Variants in SLC25A31 observed in about 807,000 individuals in gnomAD.
SLC25A31 encodes the protein solute carrier family 25 member 31.
In SLC25A31, 40 loss-of-function variants were observed where a neutral mutation model predicts 36.2. The observed-to-expected ratio is 1.10, with a 90% CI of 0.86 to 1.44. The LOEUF (loss-of-function observed/expected upper bound fraction) is 1.44, where lower values mean the gene tolerates loss of function less well. Among genes scored for constraint, SLC25A31 ranks in the 40% most tolerant of loss-of-function variants. The pLI, the probability that SLC25A31 is intolerant of heterozygous loss-of-function variation, is 0.00. For missense variants in SLC25A31, 350 were observed against 397.1 expected (o/e 0.88, Z 1.01); for synonymous variants, 143 against 149.7 (o/e 0.96, Z 0.32).
intron 1 of SLC25A31, among the ~76,000 whole-genome samples, chr4:127,737,758 T>A (rs966543789): frequency 2.0e-5 from 3 of 152,098 alleles, no homozygotes; most frequent in African/African-American, 7.2e-5. Flanking sequence ...AGGGTCTCAC[T>A]GTGTTACCCA....
intron 2 of SLC25A31, among the ~76,000 whole-genome samples, chr4:127,755,492 A>T (rs1040772249): frequency 1.3e-5 from 2 of 152,194 alleles, no homozygotes; most frequent in Admixed American, 6.5e-5. Context: ...ACCTAAAGAG[A>T]CACTTCTCAA....
intron 5 of SLC25A31, 34 bp from the exon 6 acceptor site, chr4:127,773,352 G>C: frequency 6.4e-7 from 1 of 1,570,404 alleles, no homozygotes; most frequent in Non-Finnish European, 8.6e-7. Context: ...AAGATATTCA[G>C]ATAATGGAAA....
At chr4:127,734,178 T>C (rs1731580343) in intron 1 of SLC25A31, among the ~76,000 whole-genome samples, 1 of 152,226 alleles carries the variant, frequency 6.6e-6, no homozygotes, top group African/African-American at 2.4e-5. Flanking sequence ...ATTAACATTT[T>C]GGTTTTTCAC....
At chr4:127,745,007 A>C (rs1304529946) in intron 2 of SLC25A31, among the ~76,000 whole-genome samples, 3 of 152,170 alleles carry the variant, frequency 2.0e-5, no homozygotes, top group African/African-American at 7.2e-5. Flanking sequence ...AAAATCATAA[A>C]GGATCTTTTG....
At chr4:127,744,551 T>C (rs1731787993) in intron 1 of SLC25A31, 121 bp from the exon 2 acceptor site, 1 of 889,516 alleles carries the variant, frequency 1.1e-6, no homozygotes, top group Non-Finnish European at 1.6e-6. Context: ...TTTAGAAAAC[T>C]TTATTTTTCT....
intron 2 of SLC25A31, among the ~76,000 whole-genome samples, chr4:127,758,464 A>G (rs940911608): frequency 1.3e-5 from 2 of 152,140 alleles, no homozygotes; most frequent in Admixed American, 6.6e-5. Flanking sequence ...AATGTTGTGC[A>G]GAAGCTTTTT....
At chr4:127,735,896 A>T (rs4834216) in intron 1 of SLC25A31, among the ~76,000 whole-genome samples, 40,034 of 73,690 alleles carry the variant, frequency 0.54, 7,810 homozygotes, top group East Asian at 0.64. Flanking sequence ...TTATTTATTT[A>T]TTTTTTTTTT....
chr4:127,749,332 G>A (rs1187656316), intron 2 of SLC25A31, among the ~76,000 whole-genome samples: 1 of 152,118 alleles, frequency 6.6e-6, no homozygotes, highest in East Asian at 1.9e-4. Context: ...AGAAAAAGGG[G>A]AAGAAAGCTT....
intron 2 of SLC25A31, among the ~76,000 whole-genome samples, chr4:127,751,970 G>A (rs1290764752): frequency 1.3e-5 from 2 of 152,198 alleles, no homozygotes; most frequent in African/African-American, 4.8e-5. Flanking sequence ...CACTGTTGGT[G>A]GGACTGTAAA....
chr4:127,772,853 C>A (rs777516616), intron 5 of SLC25A31, among the ~76,000 whole-genome samples: 2 of 148,850 alleles, frequency 1.3e-5, no homozygotes, highest in Admixed American at 1.4e-4. Flanking sequence ...GTGATCATGG[C>A]TCACTGCAAC....
intron 1 of SLC25A31, among the ~76,000 whole-genome samples, chr4:127,735,885 TTTA>T (rs201279313): frequency 0.037 from 1,958 of 52,646 alleles, 77 homozygotes; most frequent in Non-Finnish European, 0.055. Context: ...TATTTATTTA[TTTA>T]TTTATTTATT....
chr4:127,741,915 A>G (rs954284677), intron 1 of SLC25A31, among the ~76,000 whole-genome samples: 2 of 152,150 alleles, frequency 1.3e-5, no homozygotes, highest in Non-Finnish European at 2.9e-5. Flanking sequence ...TTCTTGGTAT[A>G]TAATTGTTCA....
intron 2 of SLC25A31, among the ~76,000 whole-genome samples, chr4:127,755,127 A>G (rs1486352351): frequency 6.6e-6 from 1 of 152,222 alleles, no homozygotes; most frequent in African/African-American, 2.4e-5. Context: ...ATCTCACACC[A>G]TATACAAAAA....
In SLC25A31 at chr4:127,738,327, A is replaced by G. The variant is rs77800512; in HGVS notation, c.233-6345A>G. Among the ~76,000 whole-genome samples the G allele has an allele frequency of 5.1e-3, 780 of 152,250 alleles. 7 individuals are homozygous for G. Among genetic ancestry groups the G allele is most frequent in the African/African-American group, 0.018 (752 of 41,552 alleles). On this transcript the variant is annotated intron_variant, in intron 1 of 5. Transcript: ENST00000281154. ...GCTGGTCTCAAATTAAGCTCAGGCA[A>G]TCTACCTGGCTCAGCCTCCCAAAGT...
intron 2 of SLC25A31, among the ~76,000 whole-genome samples, chr4:127,753,190 T>C (rs1396166535): frequency 8.5e-5 from 13 of 152,058 alleles, no homozygotes; most frequent in Admixed American, 6.6e-4. Flanking sequence ...GCAAAACTTA[T>C]AGGGTATAGC....
chr4:127,756,435 T>TG (rs1560636923), intron 2 of SLC25A31, among the ~76,000 whole-genome samples: 1 of 152,008 alleles, frequency 6.6e-6, no homozygotes, highest in Non-Finnish European at 1.5e-5. Flanking sequence ...CGATGGAGCG[T>TG]GGGGGGATGA....
chr4:127,758,431 C>T (rs937497218), intron 2 of SLC25A31, among the ~76,000 whole-genome samples: 1 of 152,140 alleles, frequency 6.6e-6, no homozygotes, highest in Non-Finnish European at 1.5e-5. Context: ...TCCCATTCTG[C>T]ATATTGTCTG....
chr4:127,737,942 T>C (rs1337471925), intron 1 of SLC25A31, among the ~76,000 whole-genome samples: 1 of 100,190 alleles, frequency 1.0e-5, no homozygotes, highest in Non-Finnish European at 2.3e-5. Flanking sequence ...ACTCCTAGTC[T>C]GAAACCCATA....
At chr4:127,757,623 A>G (rs950199997) in intron 2 of SLC25A31, among the ~76,000 whole-genome samples, 1 of 152,194 alleles carries the variant, frequency 6.6e-6, no homozygotes, top group Admixed American at 6.5e-5. Context: ...TTTTTCATAC[A>G]ATAATTTCTC....
Sources: allele counts gnomAD v4.1 joint callset (sites outside exome capture counted in the v4.1 genomes callset), GRCh38; gene constraint gnomAD v4.1.1; transcripts MANE v1.5; gene names NCBI Gene and HGNC (gene_info 2026-07-23, HGNC 2026-07-21).